The following EIF4G2 variants were observed in gnomAD, a reference collection of about 807,000 sequenced individuals.
EIF4G2 encodes the protein DAP-5.
In EIF4G2, 8 loss-of-function variants were observed where a neutral mutation model predicts 117.7. The ratio of observed to expected loss-of-function variants is 0.07; its 90% CI spans 0.04 to 0.12. The LOEUF (loss-of-function observed/expected upper bound fraction) is 0.12, where lower values mean the gene tolerates loss of function less well. EIF4G2 is among the 10% of genes least tolerant of loss of function. The pLI is 1.00. For missense variants in EIF4G2, 812 were observed against 1,086.2 expected, an observed-to-expected ratio of 0.75 and a Z score of 3.55; for synonymous variants, 413 against 367.8, an observed-to-expected ratio of 1.12 and a Z score of -1.41.
chr11:10,803,602 A>G lies in EIF4G2; in HGVS notation c.703-12T>C. On this transcript the variant is annotated splice_polypyrimidine_tract_variant and intron_variant, in intron 8 of 21. Coordinates refer to ENST00000339995, the MANE Select transcript of EIF4G2 (RefSeq NM_001418.4). The surrounding 1 kb of genome is among the most constrained non-coding windows in gnomAD (Gnocchi z 4.0). ...TTCTTTTCCAAAAGCTACAAGAATA[A>G]AAGGCCATGGTGACAAAGTTTTAGT... 4 of 1,608,564 alleles carry G rather than the reference A, an allele frequency of 2.5e-6. No homozygotes were observed. The highest frequency in any genetic ancestry group is 2.6e-6 in the Non-Finnish European group (3 of 1,176,072).
chr11:10,803,870 C>T lies in EIF4G2; in HGVS notation c.702+29G>A. ...CTCATTTCCTCCAAACGACTGACTA[C>T]ATTCGCCTAACTTCCCTGTCACACT... On this transcript the variant is annotated intron_variant, in intron 8 of 21. Coordinates refer to ENST00000339995, the MANE Select transcript of EIF4G2 (RefSeq NM_001418.4). This position sits in a 1 kb window ranked among gnomAD's most constrained non-coding sequence, Gnocchi z 4.0. 1.3e-6 allele frequency: 2 copies of T among 1,597,468 alleles called. No individual in the cohort carries two copies. The highest frequency in any genetic ancestry group is 1.7e-6 in the Non-Finnish European group (2 of 1,168,818).
At position 10,799,116 on chromosome 11, in the gene EIF4G2, TAAA is replaced by T. The variant is rs372541323; in HGVS notation, c.2537-6_2537-4del. ...CACAAAAAAGCGAAGTAACATGCCT[TAAA>T]AAAAAAAAAAAAAAGAAAAAAGTAA... On this transcript the variant is annotated splice_polypyrimidine_tract_variant and splice_region_variant and intron_variant, in intron 20 of 21. Transcript: ENST00000339995. The T allele has an allele frequency of 0.026, 36,619 of 1,433,804 alleles. No individual in the cohort carries two copies. Among genetic ancestry groups the T allele is most frequent in the East Asian group, 0.036 (1,470 of 40,360 alleles). 88.8% of individuals were successfully genotyped at this position (1,433,804 alleles called of 1,614,324 possible).
chr11:10,800,251 G>A lies in EIF4G2; in HGVS notation c.1958C>T (p.Ser653Leu), dbSNP rs377023918. Residue 653 changes from serine to leucine, a missense_variant, in exon 18 of 22, where the codon TCA becomes TTA. Transcript: ENST00000339995. ...TAGTTCTGAAATGCTCACCAGCTCTGAAATGATGGCACGAGCTGCAAACTG... is the reference window on the plus strand; with the variant it reads ...TAGTTCTGAAATGCTCACCAGCTCTAAAATGATGGCACGAGCTGCAAACTG... 1.9e-5 allele frequency: 30 copies of A among 1,614,084 alleles called. No individual in the cohort carries two copies. The highest frequency in any genetic ancestry group is 6.7e-5 in the Admixed American group (4 of 60,002).
intron 4 of EIF4G2, 72 bp from the exon 5 acceptor site, chr11:10,805,087 T>C (rs540133234): frequency 3.3e-6 from 4 of 1,211,572 alleles, no homozygotes; most frequent in Middle Eastern, 4.1e-4. Flanking sequence ...TGCTTTTAAA[T>C]TATACTGATT....
intron 3 of EIF4G2, chr11:10,806,415 GA>G: frequency 6.2e-6 from 2 of 321,980 alleles, no homozygotes; most frequent in Non-Finnish European, 1.2e-5. Context: ...GGGTTCAAGC[GA>G]CCCTCCCACC....
Position 10,806,064 on chromosome 11 carries a change from A to G in EIF4G2, c.108-17T>C. The G allele has an allele frequency of 1.2e-6, 2 of 1,614,162 alleles. No homozygotes were observed. Among genetic ancestry groups the G allele is most frequent in the Non-Finnish European group, 1.7e-6 (2 of 1,179,974 alleles). On this transcript the variant is annotated splice_polypyrimidine_tract_variant and intron_variant, in intron 3 of 21. Coordinates refer to ENST00000339995, the MANE Select transcript of EIF4G2 (RefSeq NM_001418.4). ...AGGAACTCGCTGATTAATAAAAATC[A>G]GCAAAAACACTTATTGTCACACACC...
At position 10,800,643 on chromosome 11, in the gene EIF4G2, G is replaced by A; in HGVS notation, c.1649C>T (p.Thr550Ile). 13 of 1,614,078 alleles carry A rather than the reference G, an allele frequency of 8.1e-6. No individual in the cohort carries two copies. Among genetic ancestry groups the A allele is most frequent in the Non-Finnish European group, 1.1e-5 (13 of 1,180,008 alleles). The change falls in exon 17 of 22, where the codon ACT becomes ATT. Residue 550 changes from threonine (T) to isoleucine (I), a missense_variant. Physicochemically the swap from Thr to Ile is moderately conservative, Grantham distance 89. This residue lies in a region of EIF4G2 where 571 missense variants were observed against 642.3 expected (regional missense o/e 0.89). Transcript: ENST00000339995. ...ACTATTTAGATATTCAGTCACAACA[G>A]TTTCCTGTGAAGAACACAAGTATCT...
Position 10,800,832 on chromosome 11 carries a change from G to A in EIF4G2, c.1543C>T (p.Pro515Ser). ...GGATTAGTTTTGAGACCAAGCTGAG[G>A]TGTCTAAAAAACAAGCAATGACAGA... is the stretch of plus-strand genomic sequence containing the variant. The change falls in exon 16 of 22, where the codon CCT (proline) becomes TCT (serine). Residue 515 changes from proline to serine, a missense_variant. Physicochemically the swap from Pro to Ser is moderately conservative, Grantham distance 74. Around this residue, in one of 4 missense-constraint regions of EIF4G2, gnomAD observed 571 missense variants for 642.3 expected, o/e 0.89. Transcript: ENST00000339995. The A allele has an allele frequency of 6.2e-7, 1 of 1,613,996 alleles. No homozygotes were observed. Among genetic ancestry groups the A allele is most frequent in the Non-Finnish European group, 8.5e-7 (1 of 1,179,948 alleles).
intron 14 of EIF4G2, 52 bp downstream of exon 14, chr11:10,801,609 T>C (rs1252919380): frequency 2.6e-5 from 39 of 1,527,976 alleles, no homozygotes; most frequent in Non-Finnish European, 3.4e-5. Context: ...CATCGGGCAA[T>C]AAATTTCTGA....
intron 14 of EIF4G2, 187 bp downstream of exon 14, chr11:10,801,474 C>CA (rs779143355): frequency 5.7e-5 from 43 of 752,558 alleles, no homozygotes; most frequent in Middle Eastern, 2.7e-4. Context: ...GACTTGCCCT[C>CA]ATATCTCATA....
At position 10,807,330 on chromosome 11, in the gene EIF4G2, ATAATAT is replaced by A. The variant is rs1265560803; in HGVS notation, c.-41_-36del. On this transcript the variant is annotated 5_prime_UTR_variant, in exon 2 of 22. Transcript: ENST00000339995. The stretch of plus-strand genomic sequence containing the variant: ...TTGACAACGAAGAATCTTCAAAAGA[ATAATAT>A]TAATAGATGGGGTGGGGAGGGGAGG... The A allele has an allele frequency of 6.2e-7, 1 of 1,612,054 alleles. No homozygotes were observed. Among genetic ancestry groups the A allele is most frequent in the Admixed American group, 1.7e-5 (1 of 59,910 alleles).
intron 21 of EIF4G2, 172 bp downstream of exon 21, chr11:10,798,820 G>A (rs749760150): frequency 1.3e-6 from 1 of 798,270 alleles, no homozygotes; most frequent in Non-Finnish European, 2.0e-6. Flanking sequence ...TTGATTCATT[G>A]TGTAGCTTTA....
At position 10,805,935 on chromosome 11, in the gene EIF4G2, G is replaced by A; in HGVS notation, c.220C>T (p.His74Tyr). ...CTTACTTTCCTGAAGATTGCATCAT[G>A]TCGTTCTTTTTCGTTTGCGGAGTTG... Residue 74 changes from histidine (H) to tyrosine (Y), a missense_variant, in exon 4 of 22, where the codon CAT (histidine) becomes TAT (tyrosine). Coordinates refer to ENST00000339995, the MANE Select transcript of EIF4G2 (RefSeq NM_001418.4). 3.1e-6 allele frequency: 5 copies of A among 1,614,160 alleles called. No homozygotes were observed. The South Asian group carries it at 3.3e-5, about 11-fold the overall frequency.
rs1738043719 is a variant in EIF4G2, at chr11:10,797,665, C to A, written c.*151G>T. 6.4e-6 allele frequency: 5 copies of A among 780,390 alleles called. No individual in the cohort carries two copies. The highest frequency in any genetic ancestry group is 1.1e-5 in the Non-Finnish European group (5 of 474,014). 48.3% of individuals were successfully genotyped at this position (780,390 alleles called of 1,614,324 possible). A position where few individuals can be genotyped will look rare whatever the true frequency, so the allele number is the denominator to read the frequency against. On this transcript the variant is annotated 3_prime_UTR_variant, in exon 22 of 22. Coordinates refer to ENST00000339995, the MANE Select transcript of EIF4G2 (RefSeq NM_001418.4). This position sits in a 1 kb window ranked among gnomAD's most constrained non-coding sequence, Gnocchi z 4.5. ...ATTAAGACATTACACTACAAAAAAA[C>A]CTTATGCAGAAGGAAATCCTAACTG...
chr11:10,799,346 C>T lies in EIF4G2; in HGVS notation c.2403G>A (p.Gln801=). 6.2e-7 allele frequency: 1 copy of T among 1,613,688 alleles called. No homozygotes were observed. The highest frequency in any genetic ancestry group is 8.5e-7 in the Non-Finnish European group (1 of 1,180,016). Residue 801 remains glutamine, a synonymous_variant, in exon 20 of 22, where the codon CAG becomes CAA. Coordinates refer to ENST00000339995, the MANE Select transcript of EIF4G2 (RefSeq NM_001418.4). ...GTAGTAGTTGTTTTTCCTGCTCTAA[C>T]TGTTCTTTGGAAGGAGCAGAGGATG...
At chr11:10,807,219 T>C (rs1847602742) in intron 2 of EIF4G2, 36 bp downstream of exon 2, 1 of 1,592,902 alleles carries the variant, frequency 6.3e-7, no homozygotes, top group Non-Finnish European at 8.5e-7. Flanking sequence ...AGACTGGCCT[T>C]TTCAAAAGGA....
At chr11:10,801,461 G>GGACT (rs1564982064) in intron 14 of EIF4G2, 200 bp downstream of exon 14, 1 of 728,332 alleles carries the variant, frequency 1.4e-6, no homozygotes, top group South Asian at 1.5e-5. Flanking sequence ...ACAGACTTTA[G>GGACT]GAGACTTGCC....
intron 11 of EIF4G2, among the ~76,000 whole-genome samples, chr11:10,802,757 C>T (rs1289415722): frequency 6.6e-6 from 1 of 152,162 alleles, no homozygotes; most frequent in Non-Finnish European, 1.5e-5. Context: ...GTCCCAGCTA[C>T]TGGGGAGGCT....
chr11:10,806,734 G>A, intron 3 of EIF4G2, 86 bp downstream of exon 3: 2 of 1,426,052 alleles, frequency 1.4e-6, no homozygotes, highest in Non-Finnish European at 2.0e-6. Flanking sequence ...GAGTCTTGAT[G>A]GCTATTGCCT....
Sources: allele counts gnomAD v4.1 joint callset (sites outside exome capture counted in the v4.1 genomes callset), GRCh38; gene constraint gnomAD v4.1.1; regional missense constraint gnomAD v4.1.1; non-coding constraint Gnocchi (gnomAD v3.1); transcripts MANE v1.5; gene names NCBI Gene and HGNC (gene_info 2026-07-23, HGNC 2026-07-21).